Variants in NPLOC4 observed in about 807,000 individuals in gnomAD.
NPLOC4 encodes the protein nuclear protein localization protein 4 homolog.
In NPLOC4, 18 loss-of-function variants were observed where a neutral mutation model predicts 80.6. The ratio of observed to expected loss-of-function variants is 0.22; its 90% CI spans 0.15 to 0.33. The LOEUF is 0.33. NPLOC4 is among the 10% of genes least tolerant of loss of function. NPLOC4 has a pLI of 1.00. For synonymous variants in NPLOC4, 313 were observed against 301.5 expected (o/e 1.04, Z -0.39); for missense variants, 540 against 786.1 (o/e 0.69, Z 3.74).
In NPLOC4 at chr17:81,569,131, A is replaced by C. The variant is rs1220038524; in HGVS notation, c.1354-20T>G. The stretch of plus-strand genomic sequence containing the variant: ...TGTGATCTAATGAAGAAAAACACAA[A>C]CCCATGATAAATGAGGCTGAAAATG... On this transcript the variant is annotated intron_variant, in intron 13 of 16. Transcript: ENST00000331134. 1 of 1,539,082 alleles carries C rather than the reference A, an allele frequency of 6.5e-7. No homozygotes were observed. The highest frequency in any genetic ancestry group is 1.7e-5 in the Admixed American group (1 of 59,770).
intron 9 of NPLOC4, among the ~76,000 whole-genome samples, chr17:81,598,094 CAA>C (rs71367068): frequency 2.5e-3 from 223 of 88,224 alleles, no homozygotes; most frequent in Non-Finnish European, 3.7e-3. Context: ...GACTCTGTCT[CAA>C]AAAAAAAAAA....
At chr17:81,583,678 G>C (rs1361620790) in intron 12 of NPLOC4, among the ~76,000 whole-genome samples, 1 of 152,068 alleles carries the variant, frequency 6.6e-6, no homozygotes, top group East Asian at 1.9e-4. Flanking sequence ...ACTTCTCCAA[G>C]GCCAGCATCT....
chr17:81,631,438 T>TATATATATATATATATATATA (rs1568170977), intron 1 of NPLOC4, among the ~76,000 whole-genome samples: 5 of 25,916 alleles, frequency 1.9e-4, no homozygotes, highest in East Asian at 3.8e-3. Context: ...ATATATATAT[T>TATATATATATATATATATATA]TTTTTTTTTT....
intron 1 of NPLOC4, among the ~76,000 whole-genome samples, chr17:81,633,872 A>AG (rs2035996489): frequency 7.0e-6 from 1 of 143,572 alleles, no homozygotes; most frequent in African/African-American, 2.6e-5. Context: ...CGCCCAGCTA[A>AG]TTTTTTTTTT....
chr17:81,622,208 A>C lies in NPLOC4; in HGVS notation c.167T>G (p.Ile56Arg). The change falls in exon 3 of 17, where the codon ATA becomes AGA. Residue 56 changes from isoleucine (I) to arginine (R), a missense_variant. This residue lies in a region of NPLOC4 where 62 missense variants were observed against 84.4 expected (regional missense o/e 0.73). Transcript: ENST00000331134. ...GAGGGATTTGTTGGAGGAGGCTGTTATCTCTCCGGTCTTGTTTCTATTGAT... is the reference window on the plus strand; with the variant it reads ...GAGGGATTTGTTGGAGGAGGCTGTTCTCTCTCCGGTCTTGTTTCTATTGAT... ...VYINRNKTGE[I>R]TASSNKSLNL... The C allele has an allele frequency of 6.2e-7, 1 of 1,613,792 alleles. No individual in the cohort carries two copies. The highest frequency in any genetic ancestry group is 8.5e-7 in the Non-Finnish European group (1 of 1,179,726).
intron 1 of NPLOC4, among the ~76,000 whole-genome samples, chr17:81,633,774 G>A (rs771408184): frequency 2.6e-5 from 4 of 152,094 alleles, no homozygotes; most frequent in Non-Finnish European, 5.9e-5. Flanking sequence ...GCGCGACCTC[G>A]GTTCACTGCA....
intron 13 of NPLOC4, among the ~76,000 whole-genome samples, chr17:81,570,071 G>A (rs1266161537): frequency 3.3e-5 from 5 of 152,230 alleles, no homozygotes; most frequent in African/African-American, 4.8e-5. Flanking sequence ...CAAAGGCAGT[G>A]AGTTGTTGAG....
At chr17:81,596,630 C>T in intron 10 of NPLOC4, among the ~76,000 whole-genome samples, 1 of 151,870 alleles carries the variant, frequency 6.6e-6, no homozygotes, top group East Asian at 1.9e-4. Flanking sequence ...AAACAAGTAT[C>T]TACAATTCCT....
At position 81,604,675 on chromosome 17, in the gene NPLOC4, C is replaced by T. The variant is rs781611590; in HGVS notation, c.707G>A (p.Arg236His). The change falls in exon 8 of 17, where the codon CGC becomes CAC. Residue 236 changes from arginine to histidine, a missense_variant. Physicochemically the swap from Arg to His is conservative, Grantham distance 29. Around this residue, in one of 6 missense-constraint regions of NPLOC4, gnomAD observed 61 missense variants for 156.7 expected, o/e 0.39. Transcript: ENST00000331134. ...TGTCTTTCTCCAGAAGTCAAGAAAG[C>T]GGTCAGCGACGGTGTGATTCTCAAA... ...IMFENHTVAD[R>H]FLDFWRKTGN... 3.7e-6 allele frequency: 6 copies of T among 1,613,702 alleles called. No homozygotes were observed. The highest frequency in any genetic ancestry group is 5.1e-6 in the Non-Finnish European group (6 of 1,179,766).
Position 81,622,318 on chromosome 17 carries a change from T to C in NPLOC4, c.97-40A>G, listed in dbSNP as rs1434483324. The C allele has an allele frequency of 2.8e-6, 4 of 1,427,338 alleles. No individual in the cohort carries two copies. The South Asian group carries it at 4.6e-5, about 16-fold the overall frequency. The allele number at this position is 1,427,338 out of a possible 1,614,324, so 88.4% of individuals were successfully genotyped here. A position where few individuals can be genotyped will look rare whatever the true frequency, so the allele number is the denominator to read the frequency against. On this transcript the variant is annotated intron_variant, in intron 2 of 16. Transcript: ENST00000331134. ...AAAGAACAGAAATTTAATGAAATGC[T>C]AAAGTATCACTACACATACCATACA...
intron 10 of NPLOC4, among the ~76,000 whole-genome samples, 154 bp from the exon 11 acceptor site, chr17:81,596,396 A>C (rs1194887772): frequency 1.3e-5 from 2 of 152,130 alleles, no homozygotes; most frequent in African/African-American, 4.8e-5. Flanking sequence ...CCACTTGAGG[A>C]CAAGAGTTCG....
intron 4 of NPLOC4, among the ~76,000 whole-genome samples, 157 bp from the exon 5 acceptor site, chr17:81,610,415 G>C (rs1020768531): frequency 6.6e-6 from 1 of 152,110 alleles, no homozygotes; most frequent in African/African-American, 2.4e-5. Context: ...TATTTTAATT[G>C]TTGTTTTGTT....
chr17:81,622,637 A>T (rs2035698957), intron 2 of NPLOC4, among the ~76,000 whole-genome samples: 1 of 152,090 alleles, frequency 6.6e-6, no homozygotes, highest in African/African-American at 2.4e-5. Context: ...TGCAACCTCC[A>T]CATCCCAGGT....
At chr17:81,587,227 A>G (rs1305726769) in intron 12 of NPLOC4, among the ~76,000 whole-genome samples, 2 of 152,190 alleles carry the variant, frequency 1.3e-5, no homozygotes, top group Non-Finnish European at 2.9e-5. Context: ...TAACCCCAAC[A>G]CTTTTGGAGG....
intron 10 of NPLOC4, among the ~76,000 whole-genome samples, chr17:81,596,617 T>C (rs2034914442): frequency 6.6e-6 from 1 of 152,072 alleles, no homozygotes; most frequent in Non-Finnish European, 1.5e-5. Flanking sequence ...CAAAACCACT[T>C]TGAAACAAGT....
At chr17:81,626,370 G>A (rs984227418) in intron 2 of NPLOC4, among the ~76,000 whole-genome samples, 2 of 151,832 alleles carry the variant, frequency 1.3e-5, no homozygotes, top group East Asian at 1.9e-4. Flanking sequence ...CTTAAGAGTG[G>A]GGAAAACCCC....
Position 81,596,097 on chromosome 17 carries a change from C to T in NPLOC4, c.1120+19G>A. 1 of 1,610,256 alleles carries T rather than the reference C, an allele frequency of 6.2e-7. No homozygotes were observed. Among genetic ancestry groups the T allele is most frequent in the Non-Finnish European group, 8.5e-7 (1 of 1,177,326 alleles). On this transcript the variant is annotated intron_variant, in intron 11 of 16. Coordinates refer to ENST00000331134, the MANE Select transcript of NPLOC4 (RefSeq NM_017921.4). Reference sequence around the variant, plus strand: ...TAACGAGGTGGTAATATTTACAGTACATACTGTCCCTGTTATACCTGTAGC... The same window carrying T: ...TAACGAGGTGGTAATATTTACAGTATATACTGTCCCTGTTATACCTGTAGC...
At chr17:81,614,296 A>AAAAAAAAAAAT in intron 3 of NPLOC4, 3 of 150,676 alleles carry the variant, frequency 2.0e-5, no homozygotes, top group Admixed American at 1.3e-4. Flanking sequence ...AAAAAAAAAA[A>AAAAAAAAAAAT]GTGGGATTAC....
intron 1 of NPLOC4, among the ~76,000 whole-genome samples, chr17:81,630,440 C>T (rs922335236): frequency 6.6e-6 from 1 of 152,148 alleles, no homozygotes; most frequent in Non-Finnish European, 1.5e-5. Flanking sequence ...GCTTGCACCA[C>T]CACACCAGGT....
Sources: gnomAD v4.1 joint callset for allele counts (sites outside exome capture counted in the v4.1 genomes callset) on GRCh38, gnomAD v4.1.1 for gene constraint, gnomAD v4.1.1 regional missense constraint, MANE v1.5 for transcripts, NCBI Gene and HGNC (gene_info 2026-07-23, HGNC 2026-07-21) for gene names.